Variants in NMBR observed in about 807,000 individuals in gnomAD.
NMBR encodes neuromedin-B receptor.
In NMBR, 16 loss-of-function variants were observed where a neutral mutation model predicts 20.5. The observed-to-expected ratio is 0.78, with a 90% CI of 0.53 to 1.19. The LOEUF is 1.19. Ranked by LOEUF, NMBR falls within the 50% of genes most tolerant of loss-of-function variation. The pLI is 0.00. For missense variants in NMBR, 582 were observed against 499.1 expected (o/e 1.17, Z -1.58); for synonymous variants, 212 against 196.6 (o/e 1.08, Z -0.65).
chr6:142,092,517 G>T (rs1376198427), intron 1 of NMBR, among the ~76,000 whole-genome samples: 1 of 152,154 alleles, frequency 6.6e-6, no homozygotes, highest in Non-Finnish European at 1.5e-5. Context: ...CCTACTTCAA[G>T]TCAAGATGGA....
intron 1 of NMBR, among the ~76,000 whole-genome samples, chr6:142,137,547 T>G (rs1778284148): frequency 6.6e-6 from 1 of 152,180 alleles, no homozygotes; most frequent in African/African-American, 2.4e-5. Flanking sequence ...ATAGGAGTGG[T>G]GAGAGAGGGC....
intron 1 of NMBR, among the ~76,000 whole-genome samples, chr6:142,129,911 C>T (rs1291864417): frequency 1.3e-5 from 2 of 152,094 alleles, no homozygotes; most frequent in East Asian, 3.9e-4. Context: ...CTGCTTGAGA[C>T]CTCAAATCTC....
At chr6:142,106,811 A>G (rs6939975) in intron 1 of NMBR, among the ~76,000 whole-genome samples, 86,971 of 152,054 alleles carry the variant, frequency 0.57, 25,507 homozygotes, top group East Asian at 0.83. Flanking sequence ...ACAGTGCCCA[A>G]GTAAAAGTTA....
At position 142,075,903 on chromosome 6, in the gene NMBR, G is replaced by T. The variant is rs147505654; in HGVS notation, c.918C>A (p.Thr306=). The T allele has an allele frequency of 6.2e-7, 1 of 1,613,874 alleles. No homozygotes were observed. The highest frequency in any genetic ancestry group is 1.7e-5 in the Admixed American group (1 of 59,958). The part of the protein sequence containing the change: ...IDPSLGHMIV[T]LVARVLSFGN... ...CAAAACTGAGAACCCGGGCAACTAAGGTGACAATCATGTGGCCTAGAGATG... is the reference window on the plus strand; with the variant it reads ...CAAAACTGAGAACCCGGGCAACTAATGTGACAATCATGTGGCCTAGAGATG... Residue 306 remains threonine, a synonymous_variant, in exon 4 of 4, where the codon ACC becomes ACA. Coordinates refer to ENST00000258042, the MANE Select transcript of NMBR (RefSeq NM_002511.4).
At chr6:142,106,258 G>A (rs1479106980) in intron 1 of NMBR, among the ~76,000 whole-genome samples, 4 of 152,106 alleles carry the variant, frequency 2.6e-5, no homozygotes, top group Non-Finnish European at 5.9e-5. Context: ...GGCAAAACAG[G>A]GAGAGCAGGG....
rs1049117974 is a variant in NMBR, at chr6:142,074,513, T to C, written c.*1135A>G. On this transcript the variant is annotated 3_prime_UTR_variant, in exon 4 of 4. Transcript: ENST00000258042. ...TTTAAATGTTAGATTTATTGATACA[T>C]GCTTTTAAAAATGGTAGCTTTTAAA... Among the ~76,000 whole-genome samples the C allele has an allele frequency of 5.9e-5, 9 of 152,190 alleles. No individual in the cohort carries two copies. The highest frequency in any genetic ancestry group is 2.2e-4 in the African/African-American group (9 of 41,452).
intron 1 of NMBR, among the ~76,000 whole-genome samples, chr6:142,101,865 T>A (rs1016394732): frequency 3.3e-5 from 5 of 152,288 alleles, no homozygotes; most frequent in East Asian, 1.9e-4. Flanking sequence ...AGTGCCCTCA[T>A]GGTCACAGAT....
chr6:142,120,325 A>G (rs1294019873), intron 1 of NMBR, among the ~76,000 whole-genome samples: 2 of 151,974 alleles, frequency 1.3e-5, no homozygotes, highest in Non-Finnish European at 2.9e-5. Context: ...CTCCAGAGGC[A>G]GTTTCACACC....
intron 1 of NMBR, among the ~76,000 whole-genome samples, chr6:142,133,490 C>T (rs144767447): frequency 3.3e-5 from 5 of 152,168 alleles, no homozygotes; most frequent in African/African-American, 4.8e-5. Flanking sequence ...AGATAGTGTA[C>T]GGACTGAGCT....
intron 1 of NMBR, among the ~76,000 whole-genome samples, chr6:142,118,016 A>C (rs935287232): frequency 6.6e-6 from 1 of 151,976 alleles, no homozygotes; most frequent in Non-Finnish European, 1.5e-5. Flanking sequence ...TCTTGTTACA[A>C]ATAATTTCAC....
At chr6:142,117,740 TA>T (rs1433875522) in intron 1 of NMBR, among the ~76,000 whole-genome samples, 1 of 151,912 alleles carries the variant, frequency 6.6e-6, no homozygotes, top group East Asian at 1.9e-4. Context: ...TAATGTCAAA[TA>T]TGAAAAAATC....
chr6:142,094,759 C>T (rs955863565), intron 1 of NMBR, among the ~76,000 whole-genome samples: 9 of 152,206 alleles, frequency 5.9e-5, no homozygotes, highest in Middle Eastern at 3.4e-3. Context: ...TCCATTTCCA[C>T]GATATTGATT....
At chr6:142,139,511 G>A (rs150357845) in intron 1 of NMBR, among the ~76,000 whole-genome samples, 7 of 152,250 alleles carry the variant, frequency 4.6e-5, no homozygotes, top group East Asian at 1.9e-4. Flanking sequence ...GAGCTCTCTC[G>A]CTTTTCCAGC....
chr6:142,134,026 T>C (rs1476623494), intron 1 of NMBR: 4 of 687,022 alleles, frequency 5.8e-6, no homozygotes, highest in Non-Finnish European at 8.0e-6. Flanking sequence ...GGCCAATCAC[T>C]CCACAAGTAA....
At position 142,098,429 on chromosome 6, in the gene NMBR, T is replaced by G. The variant is rs530804662; in HGVS notation, c.-663-9108A>C. 2.9e-4 allele frequency among the ~76,000 whole-genome samples: 44 copies of G among 152,148 alleles called. 1 individual carries two copies. The South Asian group carries it at 8.7e-3, about 30-fold the overall frequency. Reference sequence around the variant, plus strand: ...AATAACATGATTATCTATTAGAAAATCTGAAAGAATCAACAAAAGACTCTT... The same window carrying G: ...AATAACATGATTATCTATTAGAAAAGCTGAAAGAATCAACAAAAGACTCTT... On this transcript the variant is annotated intron_variant, in intron 1 of 3. Coordinates refer to ENST00000258042, the MANE Select transcript of NMBR (RefSeq NM_002511.4).
chr6:142,132,949 T>G (rs904599025), intron 1 of NMBR: 3 of 396,674 alleles, frequency 7.6e-6, no homozygotes, highest in Non-Finnish European at 1.3e-5. Context: ...GTTTCTTTGT[T>G]TTTGTTTTGT....
intron 1 of NMBR, among the ~76,000 whole-genome samples, chr6:142,132,739 T>C (rs1021369510): frequency 6.6e-6 from 1 of 152,164 alleles, no homozygotes; most frequent in South Asian, 2.1e-4. Flanking sequence ...TACTTCAACA[T>C]TATCAGAGAA....
intron 1 of NMBR, among the ~76,000 whole-genome samples, chr6:142,130,298 T>C (rs542628071): frequency 3.8e-4 from 58 of 152,164 alleles, no homozygotes; most frequent in African/African-American, 1.4e-3. Flanking sequence ...CAGGACTGGC[T>C]ACATGTGATT....
At chr6:142,109,444 T>C (rs116578136) in intron 1 of NMBR, among the ~76,000 whole-genome samples, 176 of 150,894 alleles carry the variant, frequency 1.2e-3, no homozygotes, top group African/African-American at 4.1e-3. Context: ...CCAAAAAATA[T>C]ATATAATCAG....
Sources: gnomAD v4.1 joint callset for allele counts (sites outside exome capture counted in the v4.1 genomes callset) on GRCh38, gnomAD v4.1.1 for gene constraint, MANE v1.5 for transcripts, NCBI Gene and HGNC (gene_info 2026-07-23, HGNC 2026-07-21) for gene names.